Variants in PRKCE observed in about 807,000 individuals in gnomAD.
PRKCE encodes protein kinase C epsilon type.
PRKCE carries 16 observed loss-of-function variants against 85.4 expected under a neutral mutation model. The ratio of observed to expected loss-of-function variants is 0.19; its 90% CI spans 0.13 to 0.28. The LOEUF is 0.28. Among genes scored for constraint, PRKCE ranks in the 10% least tolerant of loss-of-function variants. PRKCE has a pLI of 1.00. For missense variants in PRKCE, 573 were observed against 975.2 expected (o/e 0.59, Z 5.49); for synonymous variants, 388 against 371.5 (o/e 1.04, Z -0.51).
At chr2:45,666,721 C>T (rs1029125150) in intron 1 of PRKCE, among the ~76,000 whole-genome samples, 4 of 152,046 alleles carry the variant, frequency 2.6e-5, no homozygotes, top group African/African-American at 9.7e-5. Context: ...AGTGTTGATG[C>T]TTTCTCTCTT....
intron 1 of PRKCE, among the ~76,000 whole-genome samples, chr2:45,728,738 C>T (rs1287868518): frequency 6.6e-6 from 1 of 152,204 alleles, no homozygotes; most frequent in Non-Finnish European, 1.5e-5. Context: ...TGAGCAATAA[C>T]AGCTGCTAAT....
chr2:45,962,044 G>A, intron 2 of PRKCE, among the ~76,000 whole-genome samples: 1 of 152,152 alleles, frequency 6.6e-6, no homozygotes, highest in East Asian at 1.9e-4. Context: ...CCTCGCCTTT[G>A]CTACCTGTTC....
chr2:46,020,878 G>A (rs1300074527), intron 10 of PRKCE, among the ~76,000 whole-genome samples: 1 of 152,264 alleles, frequency 6.6e-6, no homozygotes, highest in Non-Finnish European at 1.5e-5. Flanking sequence ...TATGTGGCAA[G>A]CCTATCCAAG....
intron 1 of PRKCE, among the ~76,000 whole-genome samples, chr2:45,768,429 C>T (rs1394160794): frequency 6.6e-6 from 1 of 152,126 alleles, no homozygotes; most frequent in Non-Finnish European, 1.5e-5. Context: ...TAGTTGGGTT[C>T]CCCCTTTCAT....
intron 10 of PRKCE, among the ~76,000 whole-genome samples, chr2:46,064,500 T>G (rs1285278935): frequency 6.6e-6 from 1 of 152,190 alleles, no homozygotes; most frequent in East Asian, 1.9e-4. Flanking sequence ...GAAAGGACAG[T>G]CTTGGCAATA....
intron 1 of PRKCE, among the ~76,000 whole-genome samples, chr2:45,761,863 C>T (rs1684533312): frequency 6.6e-6 from 1 of 152,180 alleles, no homozygotes; most frequent in South Asian, 2.1e-4. Context: ...GTCTGCATCC[C>T]ATCGGTCCCT....
At chr2:46,042,166 G>T (rs1245670522) in intron 10 of PRKCE, among the ~76,000 whole-genome samples, 1 of 152,194 alleles carries the variant, frequency 6.6e-6, no homozygotes, top group Non-Finnish European at 1.5e-5. Context: ...TTGTTAGGGA[G>T]CAGTACTTGC....
intron 14 of PRKCE, among the ~76,000 whole-genome samples, chr2:46,164,426 G>A (rs2104610705): frequency 6.6e-6 from 1 of 152,352 alleles, no homozygotes; most frequent in African/African-American, 2.4e-5. Context: ...ACTCAGTCAA[G>A]TGCCTGAAGC....
intron 1 of PRKCE, chr2:45,698,024 T>C (rs1275934481): frequency 1.3e-5 from 2 of 152,720 alleles, no homozygotes; most frequent in Non-Finnish European, 2.9e-5. Context: ...GTCAACTCCA[T>C]GTAGATTTAT....
intron 2 of PRKCE, among the ~76,000 whole-genome samples, chr2:45,869,618 T>C (rs1693911703): frequency 6.6e-6 from 1 of 152,028 alleles, no homozygotes. Flanking sequence ...GGAGCACACC[T>C]AGTAAGCTGG....
At chr2:46,037,389 A>C (rs758847459) in intron 10 of PRKCE, among the ~76,000 whole-genome samples, 3 of 152,208 alleles carry the variant, frequency 2.0e-5, no homozygotes, top group Non-Finnish European at 4.4e-5. Flanking sequence ...ATCAGTCATT[A>C]GCCCTGTGTG....
intron 14 of PRKCE, among the ~76,000 whole-genome samples, chr2:46,173,669 T>C (rs1195430521): frequency 6.6e-6 from 1 of 152,224 alleles, no homozygotes; most frequent in Non-Finnish European, 1.5e-5. Flanking sequence ...TGAAGTTTTG[T>C]TTCAAAGCAT....
intron 1 of PRKCE, among the ~76,000 whole-genome samples, chr2:45,841,580 C>T (rs938151790): frequency 6.6e-6 from 1 of 152,246 alleles, no homozygotes; most frequent in Non-Finnish European, 1.5e-5. Flanking sequence ...GGATCTGCCT[C>T]TCCCAGTCCA....
chr2:46,055,777 C>G (rs1448290351), intron 10 of PRKCE, among the ~76,000 whole-genome samples: 3 of 152,184 alleles, frequency 2.0e-5, no homozygotes, highest in African/African-American at 7.2e-5. Flanking sequence ...ATGCTCCCAC[C>G]TCAGCCTCCC....
chr2:46,052,235 T>A (rs1708900502), intron 10 of PRKCE, among the ~76,000 whole-genome samples: 1 of 152,160 alleles, frequency 6.6e-6, no homozygotes, highest in Non-Finnish European at 1.5e-5. Flanking sequence ...ATCTGATATG[T>A]AGAAAATACT....
chr2:45,938,063 C>T (rs1196691673), intron 2 of PRKCE, among the ~76,000 whole-genome samples: 2 of 152,238 alleles, frequency 1.3e-5, no homozygotes, highest in Non-Finnish European at 2.9e-5. Context: ...CCTTCGGCCT[C>T]TTCTTGTTCT....
chr2:46,055,984 C>T (rs1322137619), intron 10 of PRKCE, among the ~76,000 whole-genome samples: 2 of 152,138 alleles, frequency 1.3e-5, no homozygotes, highest in Admixed American at 6.5e-5. Flanking sequence ...TTTTTGCATG[C>T]CAACCCATTG....
chr2:45,995,972 T>C (rs892123990), intron 6 of PRKCE, among the ~76,000 whole-genome samples: 1 of 152,198 alleles, frequency 6.6e-6, no homozygotes, highest in African/African-American at 2.4e-5. Flanking sequence ...TCTTGACAAA[T>C]ACTGAGTCTT....
At chr2:45,757,326 A>G (rs1437938741) in intron 1 of PRKCE, among the ~76,000 whole-genome samples, 6 of 150,996 alleles carry the variant, frequency 4.0e-5, no homozygotes, top group South Asian at 2.1e-4. Flanking sequence ...AAAAAAAAAA[A>G]AAAAAAGAGT....
Sources: gnomAD v4.1 joint callset for allele counts (sites outside exome capture counted in the v4.1 genomes callset) on GRCh38, gnomAD v4.1.1 for gene constraint, MANE v1.5 for transcripts, NCBI Gene and HGNC (gene_info 2026-07-23, HGNC 2026-07-21) for gene names.